KCNQ1: variants seen among roughly 807,000 people sequenced by gnomAD.
KCNQ1 encodes the protein potassium voltage-gated channel subfamily KQT member 1.
In KCNQ1, 49 loss-of-function variants were observed where a neutral mutation model predicts 72.4. That is an observed-to-expected ratio of 0.68 (90% CI 0.54 to 0.86). The LOEUF (loss-of-function observed/expected upper bound fraction) is 0.86, where lower values mean the gene tolerates loss of function less well. Among genes scored for constraint, KCNQ1 ranks in the 40% least tolerant of loss-of-function variants. The pLI, the probability that KCNQ1 is intolerant of heterozygous loss-of-function variation, is 0.00. For missense variants in KCNQ1, 790 were observed against 945.1 expected, an observed-to-expected ratio of 0.84 and a Z score of 2.15; for synonymous variants, 450 against 412.6, an observed-to-expected ratio of 1.09 and a Z score of -1.10.
In KCNQ1 at chr11:2,684,010, C is replaced by G. The variant is rs963137856; in HGVS notation, c.1514+21929C>G. ...AATTTCCTTGGCAACTCCGTCTCTC[C>G]TTAGTCAACATCAGCTAACTTCATC... On this transcript the variant is annotated intron_variant, in intron 11 of 15. Transcript: ENST00000155840. 5 of 398,122 alleles carry G rather than the reference C, an allele frequency of 1.3e-5. No individual in the cohort carries two copies. The East Asian group carries it at 1.8e-4, about 14-fold the overall frequency. 24.7% of individuals were successfully genotyped at this position (398,122 alleles called of 1,614,324 possible). A position where few individuals can be genotyped will look rare whatever the true frequency, so the allele number is the denominator to read the frequency against.
rs1007336071 is a variant in KCNQ1, at chr11:2,813,218, T to C, written c.1795-34549T>C. ...GAGGGGCTGGCAGAGCTGGAGGGAG[T>C]TCCATCCCAGCCCCAAGGTGCCTGG... is the stretch of plus-strand genomic sequence containing the variant. On this transcript the variant is annotated intron_variant, in intron 15 of 15. Coordinates refer to ENST00000155840, the MANE Select transcript of KCNQ1 (RefSeq NM_000218.3). This position sits in a 1 kb window ranked among gnomAD's most constrained non-coding sequence, Gnocchi z 4.4. 2.6e-5 allele frequency among the ~76,000 whole-genome samples: 4 copies of C among 151,906 alleles called. No homozygotes were observed. Among genetic ancestry groups the C allele is most frequent in the African/African-American group, 7.3e-5 (3 of 41,350 alleles).
At position 2,682,087 on chromosome 11, in the gene KCNQ1, G is replaced by A. The variant is rs114841917; in HGVS notation, c.1514+20006G>A. 916 of 398,552 alleles carry A rather than the reference G, an allele frequency of 2.3e-3. 4 individuals carry two copies. The highest frequency in any genetic ancestry group is 0.017 in the African/African-American group (805 of 48,726). The allele number at this position is 398,552 out of a possible 1,614,324, so 24.7% of individuals were successfully genotyped here. A position where few individuals can be genotyped will look rare whatever the true frequency, so the allele number is the denominator to read the frequency against. ...GTTGAGGGATTGAGTCTAGGGCCCA[G>A]GGTCACAAAGCTAGGGAGCCGTGGA... On this transcript the variant is annotated intron_variant, in intron 11 of 15. Transcript: ENST00000155840. This position sits in a 1 kb window ranked among gnomAD's most constrained non-coding sequence, Gnocchi z 5.8.
At chr11:2,837,827 C>A (rs568376641) in intron 15 of KCNQ1, among the ~76,000 whole-genome samples, 1 of 152,226 alleles carries the variant, frequency 6.6e-6, no homozygotes, top group African/African-American at 2.4e-5. Context: ...AGAAGGGCGG[C>A]GCCCAGGGGG....
At chr11:2,694,542 T>A (rs1402040909) in intron 11 of KCNQ1, 2 of 398,538 alleles carry the variant, frequency 5.0e-6, no homozygotes, top group African/African-American at 4.1e-5. Context: ...GATTTTGACA[T>A]GCTATTTGCT....
intron 7 of KCNQ1, 43 bp downstream of exon 7, chr11:2,583,588 C>T (rs756900514): frequency 1.5e-6 from 2 of 1,335,186 alleles, no homozygotes; most frequent in Non-Finnish European, 2.2e-6. Context: ...CCTTGGACAG[C>T]TGGGGTCCTG....
rs917041127 is a variant in KCNQ1, at chr11:2,759,694, C to T, written c.1515-9150C>T. On this transcript the variant is annotated intron_variant, in intron 11 of 15. Coordinates refer to ENST00000155840, the MANE Select transcript of KCNQ1 (RefSeq NM_000218.3). This position sits in a 1 kb window ranked among gnomAD's most constrained non-coding sequence, Gnocchi z 4.4. The stretch of plus-strand genomic sequence containing the variant: ...AGTTAGAGGATCCTCCAGAAGGGGC[C>T]GAGAGCTTGTCCAGGCAGGGTGGAT... Among the ~76,000 whole-genome samples, 1 of 152,198 alleles carries T rather than the reference C, an allele frequency of 6.6e-6. No homozygotes were observed. Among genetic ancestry groups the T allele is most frequent in the Non-Finnish European group, 1.5e-5 (1 of 68,030 alleles).
rs951554889 is a variant in KCNQ1 at position 2,463,869 on chromosome 11, C to T, written c.386+18385C>T. 7.2e-5 allele frequency among the ~76,000 whole-genome samples: 11 copies of T among 152,054 alleles called. No homozygotes were observed. Among genetic ancestry groups the T allele is most frequent in the East Asian group, 3.9e-4 (2 of 5,186 alleles). ...AGGTGCTTGTGTAGATGCCCCCGTG[C>T]GGGGACTTGTTTGGCTGATGGATCA... On this transcript the variant is annotated intron_variant, in intron 1 of 15. Coordinates refer to ENST00000155840, the MANE Select transcript of KCNQ1 (RefSeq NM_000218.3). The surrounding 1 kb of genome is among the most constrained non-coding windows in gnomAD (Gnocchi z 7.0).
intron 1 of KCNQ1, among the ~76,000 whole-genome samples, chr11:2,520,884 C>T (rs369502793): frequency 2.3e-4 from 35 of 152,218 alleles, no homozygotes; most frequent in East Asian, 1.4e-3. Context: ...ATCCTGCCTT[C>T]GGCTTTAGGT....
rs1311824587 is a variant in KCNQ1, at chr11:2,703,412, G to A, written c.1514+41331G>A. On this transcript the variant is annotated intron_variant, in intron 11 of 15. Coordinates refer to ENST00000155840, the MANE Select transcript of KCNQ1 (RefSeq NM_000218.3). The surrounding 1 kb of genome is among the most constrained non-coding windows in gnomAD (Gnocchi z 6.4). The stretch of plus-strand genomic sequence containing the variant: ...CTCATCTGTACATGGTAGGGGCTGA[G>A]CTAGCGTTCCTTGCACTCCCTCCAG... Among the ~76,000 whole-genome samples, 1 of 152,150 alleles carries A rather than the reference G, an allele frequency of 6.6e-6. No homozygotes were observed. The highest frequency in any genetic ancestry group is 1.5e-5 in the Non-Finnish European group (1 of 68,032).
rs1386900749 is a variant in KCNQ1, at chr11:2,526,356, A to G, written c.387-1572A>G. Among the ~76,000 whole-genome samples, 1 of 151,856 alleles carries G rather than the reference A, an allele frequency of 6.6e-6. No homozygotes were observed. The highest frequency in any genetic ancestry group is 1.5e-5 in the Non-Finnish European group (1 of 67,956). On this transcript the variant is annotated intron_variant, in intron 1 of 15. Coordinates refer to ENST00000155840, the MANE Select transcript of KCNQ1 (RefSeq NM_000218.3). This position sits in a 1 kb window ranked among gnomAD's most constrained non-coding sequence, Gnocchi z 6.1. ...TAGAGCTGACCGGTGTGGCAGGGACAGGGTGTCGGTGAGGCAGGTGGCTGA... is the reference window on the plus strand; with the variant it reads ...TAGAGCTGACCGGTGTGGCAGGGACGGGGTGTCGGTGAGGCAGGTGGCTGA...
chr11:2,580,833 G>A (rs560541587), intron 6 of KCNQ1, among the ~76,000 whole-genome samples: 5 of 152,348 alleles, frequency 3.3e-5, no homozygotes, highest in African/African-American at 7.2e-5. Context: ...ATGTCCAGGC[G>A]GGGTGGGACT....
chr11:2,558,427 G>GC (rs1277340979), intron 2 of KCNQ1, among the ~76,000 whole-genome samples: 2 of 152,196 alleles, frequency 1.3e-5, no homozygotes, highest in African/African-American at 4.8e-5. Context: ...TCTCCAGGCG[G>GC]GGGGGTCCAC....
chr11:2,651,915 T>G lies in KCNQ1; in HGVS notation c.1394-10046T>G. On this transcript the variant is annotated intron_variant, in intron 10 of 15. Coordinates refer to ENST00000155840, the MANE Select transcript of KCNQ1 (RefSeq NM_000218.3). This position sits in a 1 kb window ranked among gnomAD's most constrained non-coding sequence, Gnocchi z 6.1. ...AGCCGAGGGTCCCTCTGGGGCCGCT[T>G]GCTCTCCTCCTACTCACAGCCCTCC... is the stretch of plus-strand genomic sequence containing the variant. 2.5e-6 allele frequency: 1 copy of G among 398,772 alleles called. No homozygotes were observed. The highest frequency in any genetic ancestry group is 4.4e-6 in the Non-Finnish European group (1 of 226,182). The allele number at this position is 398,772 out of a possible 1,614,324, so 24.7% of individuals were successfully genotyped here. A position where few individuals can be genotyped will look rare whatever the true frequency, so the allele number is the denominator to read the frequency against.
rs1014772015 is a variant in KCNQ1 at position 2,475,016 on chromosome 11, C to T, written c.386+29532C>T. Among the ~76,000 whole-genome samples the T allele has an allele frequency of 1.3e-5, 2 of 152,174 alleles. No individual in the cohort carries two copies. The highest frequency in any genetic ancestry group is 2.9e-5 in the Non-Finnish European group (2 of 68,034). The stretch of plus-strand genomic sequence containing the variant: ...TTGTGTTGTGATAAAATACACGTAA[C>T]GTAAAATTGACCTTTTTAACCCATG... On this transcript the variant is annotated intron_variant, in intron 1 of 15. Transcript: ENST00000155840. This position sits in a 1 kb window ranked among gnomAD's most constrained non-coding sequence, Gnocchi z 5.8.
At chr11:2,519,779 C>A (rs892548976) in intron 1 of KCNQ1, among the ~76,000 whole-genome samples, 1 of 98,142 alleles carries the variant, frequency 1.0e-5, no homozygotes, top group Non-Finnish European at 2.4e-5. Flanking sequence ...GTTGGCCCCC[C>A]CCCACAACAT....
At chr11:2,811,223 C>T (rs772608292) in intron 15 of KCNQ1, among the ~76,000 whole-genome samples, 1 of 152,218 alleles carries the variant, frequency 6.6e-6, no homozygotes, top group Admixed American at 6.5e-5. Flanking sequence ...GGTGGGAATC[C>T]GTCCCCACGA....
rs888664915 is a variant in KCNQ1 at position 2,670,249 on chromosome 11, C to T, written c.1514+8168C>T. 1.0e-5 allele frequency: 4 copies of T among 398,324 alleles called. No homozygotes were observed. Among genetic ancestry groups the T allele is most frequent in the African/African-American group, 4.1e-5 (2 of 48,548 alleles). 24.7% of individuals were successfully genotyped at this position (398,324 alleles called of 1,614,324 possible). ...TGCCTTTGACCCTGCACATGACGGG[C>T]GAGGGAAGAGGACCATGGTAGCTTG... On this transcript the variant is annotated intron_variant, in intron 11 of 15. Coordinates refer to ENST00000155840, the MANE Select transcript of KCNQ1 (RefSeq NM_000218.3). The surrounding 1 kb of genome is among the most constrained non-coding windows in gnomAD (Gnocchi z 4.9).
chr11:2,564,766 GC>G lies in KCNQ1; in HGVS notation c.478-5859del, dbSNP rs1170047350. The stretch of plus-strand genomic sequence containing the variant: ...TACTCCCCCTTCCCCAGCCCCTGGC[GC>G]CCATCATCTACTTTCTACCTCTGTG... On this transcript the variant is annotated intron_variant, in intron 2 of 15. Transcript: ENST00000155840. This position sits in a 1 kb window ranked among gnomAD's most constrained non-coding sequence, Gnocchi z 4.5. Among the ~76,000 whole-genome samples the G allele has an allele frequency of 1.3e-5, 2 of 152,006 alleles. No homozygotes were observed. The highest frequency in any genetic ancestry group is 4.8e-5 in the African/African-American group (2 of 41,366).
At chr11:2,699,116 C>T in intron 11 of KCNQ1, 1 of 398,652 alleles carries the variant, frequency 2.5e-6, no homozygotes, top group Non-Finnish European at 4.4e-6. Context: ...CTCAGAACCA[C>T]GATGCGGATT....
Sources: gnomAD v4.1 joint callset for allele counts (sites outside exome capture counted in the v4.1 genomes callset) on GRCh38, gnomAD v4.1.1 for gene constraint, Gnocchi (gnomAD v3.1) non-coding constraint, MANE v1.5 for transcripts, NCBI Gene and HGNC (gene_info 2026-07-23, HGNC 2026-07-21) for gene names.